Variants in CDH10 observed in about 807,000 individuals in gnomAD.
CDH10 encodes the protein cadherin-10.
A neutral mutation model predicts 73.1 loss-of-function variants in CDH10; 30 were observed. The observed-to-expected ratio is 0.41, with a 90% CI of 0.31 to 0.56. The LOEUF is 0.56. Among genes scored for constraint, CDH10 ranks in the 20% least tolerant of loss-of-function variants. The pLI, the probability that CDH10 is intolerant of heterozygous loss-of-function variation, is 0.27. For synonymous variants in CDH10, 345 were observed against 348.2 expected (o/e 0.99, Z 0.10); for missense variants, 815 against 973.7 (o/e 0.84, Z 2.17).
At chr5:24,599,532 A>G (rs1054209578) in intron 1 of CDH10, among the ~76,000 whole-genome samples, 1 of 152,182 alleles carries the variant, frequency 6.6e-6, no homozygotes, top group Non-Finnish European at 1.5e-5. Context: ...CTAACTTACT[A>G]TGCACTTTAG....
At chr5:24,526,199 A>G (rs977853910) in intron 5 of CDH10, among the ~76,000 whole-genome samples, 1 of 152,028 alleles carries the variant, frequency 6.6e-6, no homozygotes, top group Admixed American at 6.6e-5. Flanking sequence ...AGAGGACATC[A>G]TGATACAGAA....
Position 24,559,067 on chromosome 5 carries a change from A to G in CDH10, c.232-21393T>C, listed in dbSNP as rs552756938. 1.1e-4 allele frequency among the ~76,000 whole-genome samples: 16 copies of G among 151,990 alleles called. No homozygotes were observed. In the East Asian group the frequency reaches 3.1e-3, roughly 29 times the overall value. Reference sequence around the variant, plus strand: ...ATTATTTGTTTTAACTTGTTTTTCTAGTAGAATAATTCTTCTAATAAAAAT... The same window carrying G: ...ATTATTTGTTTTAACTTGTTTTTCTGGTAGAATAATTCTTCTAATAAAAAT... On this transcript the variant is annotated intron_variant, in intron 2 of 11. Coordinates refer to ENST00000264463, the MANE Select transcript of CDH10 (RefSeq NM_006727.5).
At chr5:24,586,279 G>A (rs1027385053) in intron 2 of CDH10, among the ~76,000 whole-genome samples, 3 of 151,946 alleles carry the variant, frequency 2.0e-5, no homozygotes, top group Non-Finnish European at 4.4e-5. Context: ...TTTTGCTAAA[G>A]GGGGAATCTG....
At chr5:24,543,362 A>C (rs1744224693) in intron 2 of CDH10, among the ~76,000 whole-genome samples, 1 of 152,186 alleles carries the variant, frequency 6.6e-6, no homozygotes, top group Admixed American at 6.5e-5. Context: ...TAGTTAGACT[A>C]GTTTTTAGAA....
chr5:24,575,355 C>CAACAAAAAAAAAAAAA (rs1561173472), intron 2 of CDH10, among the ~76,000 whole-genome samples: 1 of 123,850 alleles, frequency 8.1e-6, no homozygotes. Context: ...ACAAAAACAA[C>CAACAAAAAAAAAAAAA]AAAAAAAAAA....
intron 7 of CDH10, among the ~76,000 whole-genome samples, chr5:24,506,173 A>G (rs1742692815): frequency 2.0e-5 from 3 of 151,132 alleles, no homozygotes; most frequent in Admixed American, 2.0e-4. Flanking sequence ...TTTTTAATAT[A>G]TCTGTGTTTT....
At chr5:24,490,706 T>C (rs1742022250) in intron 11 of CDH10, among the ~76,000 whole-genome samples, 1 of 152,178 alleles carries the variant, frequency 6.6e-6, no homozygotes, top group Non-Finnish European at 1.5e-5. Flanking sequence ...TATAAAAACA[T>C]GCTCTTTTTA....
rs2111642227 is a variant in CDH10 at position 24,491,828 on chromosome 5, C to A, written c.1625-1G>T. 2 of 1,578,790 alleles carry A rather than the reference C, an allele frequency of 1.3e-6. No individual in the cohort carries two copies. Among genetic ancestry groups the A allele is most frequent in the African/African-American group, 1.3e-5 (1 of 74,246 alleles). The stretch of plus-strand genomic sequence containing the variant: ...CTGGTTAAGATTCTGGCAGTATTAT[C>A]TAAAACAAATTTTAAAATATTACAA... On this transcript the variant is annotated splice_acceptor_variant, in intron 10 of 11. Coordinates refer to ENST00000264463, the MANE Select transcript of CDH10 (RefSeq NM_006727.5). LOFTEE classifies it high-confidence loss of function.
intron 5 of CDH10, among the ~76,000 whole-genome samples, chr5:24,519,618 A>G (rs1320352546): frequency 1.3e-5 from 2 of 152,186 alleles, no homozygotes; most frequent in Non-Finnish European, 2.9e-5. Context: ...CTAAAATTAA[A>G]CCAGGCAAAT....
rs1220066337 is a variant in CDH10 at position 24,527,846 on chromosome 5, G to A, written c.814+7266C>T. On this transcript the variant is annotated intron_variant, in intron 5 of 11. Transcript: ENST00000264463. ...AAAAGAGAAACTGAAATGAAAAAAG[G>A]TAAATGTGTGTGTGTGTACGTGTGT... Among the ~76,000 whole-genome samples the A allele has an allele frequency of 4.0e-5, 6 of 151,796 alleles. No homozygotes were observed. The South Asian group carries it at 1.0e-3, about 26-fold the overall frequency.
chr5:24,609,561 C>A (rs1358582224), intron 1 of CDH10, among the ~76,000 whole-genome samples: 1 of 152,148 alleles, frequency 6.6e-6, no homozygotes, highest in Non-Finnish European at 1.5e-5. Context: ...GTTAAGACAA[C>A]CACACTGCAT....
At chr5:24,558,234 A>G (rs1290178605) in intron 2 of CDH10, among the ~76,000 whole-genome samples, 1 of 151,652 alleles carries the variant, frequency 6.6e-6, no homozygotes, top group Non-Finnish European at 1.5e-5. Flanking sequence ...AGGCTGTTTA[A>G]TGCTGTGTTA....
At chr5:24,544,888 T>G (rs571501096) in intron 2 of CDH10, among the ~76,000 whole-genome samples, 1 of 152,282 alleles carries the variant, frequency 6.6e-6, no homozygotes, top group East Asian at 1.9e-4. Flanking sequence ...AAGATTACAC[T>G]AAAGGCATTT....
intron 1 of CDH10, among the ~76,000 whole-genome samples, chr5:24,636,203 T>C (rs1446485944): frequency 6.6e-6 from 1 of 151,966 alleles, no homozygotes; most frequent in Non-Finnish European, 1.5e-5. Context: ...AATTGTCCTA[T>C]GATGTAAGTA....
At chr5:24,522,241 CT>C (rs1743361720) in intron 5 of CDH10, among the ~76,000 whole-genome samples, 1 of 152,082 alleles carries the variant, frequency 6.6e-6, no homozygotes, top group Non-Finnish European at 1.5e-5. Context: ...TCAACAGCAA[CT>C]CCTGATCCCA....
chr5:24,512,179 T>C (rs560008754), intron 5 of CDH10, among the ~76,000 whole-genome samples: 1 of 152,310 alleles, frequency 6.6e-6, no homozygotes, highest in South Asian at 2.1e-4. Context: ...CTCTTTATTT[T>C]ATTTTATTTT....
At chr5:24,502,157 C>T (rs1211523025) in intron 8 of CDH10, among the ~76,000 whole-genome samples, 1 of 152,036 alleles carries the variant, frequency 6.6e-6, no homozygotes, top group Non-Finnish European at 1.5e-5. Flanking sequence ...CACCTGACCT[C>T]GTGATCCGCC....
intron 2 of CDH10, among the ~76,000 whole-genome samples, chr5:24,582,011 G>A (rs1579839735): frequency 6.6e-6 from 1 of 152,302 alleles, no homozygotes; most frequent in East Asian, 1.9e-4. Context: ...GCTGGTGGAA[G>A]TTTTACTGGT....
chr5:24,518,260 G>C (rs964750314), intron 5 of CDH10, among the ~76,000 whole-genome samples: 2 of 152,056 alleles, frequency 1.3e-5, no homozygotes, highest in Non-Finnish European at 2.9e-5. Flanking sequence ...CTCAGTGAGA[G>C]TATAGTTGTA....
Sources: allele counts gnomAD v4.1 joint callset (sites outside exome capture counted in the v4.1 genomes callset), GRCh38; gene constraint gnomAD v4.1.1; transcripts MANE v1.5; gene names NCBI Gene and HGNC (gene_info 2026-07-23, HGNC 2026-07-21).